Variants in EYA2 observed in about 807,000 individuals in gnomAD.
EYA2 encodes the protein protein phosphatase EYA2.
Under a neutral mutation model 69.2 loss-of-function variants are expected in EYA2, and 31 were observed. That is an observed-to-expected ratio of 0.45 (90% CI 0.34 to 0.60). EYA2 has a LOEUF of 0.60. EYA2 is among the 20% of genes least tolerant of loss of function. The probability of loss-of-function intolerance (pLI) is 0.02; values close to 1 mark genes in which losing one functional copy is unlikely to be tolerated. For synonymous variants in EYA2, 257 were observed against 279.4 expected, an observed-to-expected ratio of 0.92 and a Z score of 0.80; for missense variants, 622 against 701.2, an observed-to-expected ratio of 0.89 and a Z score of 1.28.
intron 10 of EYA2, among the ~76,000 whole-genome samples, chr20:47,145,590 A>G (rs1010077071): frequency 1.3e-5 from 2 of 152,128 alleles, no homozygotes; most frequent in Non-Finnish European, 2.9e-5. Flanking sequence ...TGCTGTGTGG[A>G]GAATGGGCAG....
At chr20:46,931,539 G>A (rs1041328648) in intron 1 of EYA2, among the ~76,000 whole-genome samples, 4 of 152,186 alleles carry the variant, frequency 2.6e-5, no homozygotes, top group African/African-American at 9.7e-5. Context: ...TCATAGGGTT[G>A]TTTGGGGATG....
chr20:47,010,348 G>A (rs915111042), intron 4 of EYA2, among the ~76,000 whole-genome samples: 2 of 57,662 alleles, frequency 3.5e-5, no homozygotes, highest in African/African-American at 1.6e-4. Context: ...AGGTGGGCTG[G>A]GGCTGCCTAG....
At chr20:47,103,092 TAACAATTTTATTGAGATACA>T (rs1243998065) in intron 9 of EYA2, among the ~76,000 whole-genome samples, 80 of 152,334 alleles carry the variant, frequency 5.3e-4, no homozygotes, top group African/African-American at 1.9e-3. Flanking sequence ...TTGTTGTTAA[TAACAATTTTATTGAGATACA>T]ATCTACATAT....
At chr20:47,057,902 C>T (rs1202970840) in intron 5 of EYA2, among the ~76,000 whole-genome samples, 1 of 152,204 alleles carries the variant, frequency 6.6e-6, no homozygotes, top group Non-Finnish European at 1.5e-5. Context: ...TTGAACCCTG[C>T]TCCACCCCTT....
chr20:47,042,296 C>T (rs527540169), intron 5 of EYA2, among the ~76,000 whole-genome samples: 19 of 152,210 alleles, frequency 1.2e-4, no homozygotes, highest in African/African-American at 4.6e-4. Flanking sequence ...GGACCCAAGC[C>T]GTCTAACTCC....
intron 5 of EYA2, among the ~76,000 whole-genome samples, chr20:47,050,151 A>G (rs756120264): frequency 1.8e-4 from 28 of 152,276 alleles, no homozygotes; most frequent in African/African-American, 4.3e-4. Flanking sequence ...GTCTGTCCCA[A>G]TGGGGCAAGG....
chr20:47,016,648 A>T (rs1246778002), intron 5 of EYA2, among the ~76,000 whole-genome samples: 7 of 152,224 alleles, frequency 4.6e-5, no homozygotes, highest in Non-Finnish European at 1.0e-4. Context: ...TGAAGAGATG[A>T]CATTGGGCAG....
chr20:47,181,547 C>T (rs1456661419), intron 14 of EYA2, among the ~76,000 whole-genome samples: 1 of 152,140 alleles, frequency 6.6e-6, no homozygotes, highest in Non-Finnish European at 1.5e-5. Context: ...TTCATACTGT[C>T]ACTCAATCTG....
chr20:47,074,947 ACT>A (rs2146478884), intron 7 of EYA2, among the ~76,000 whole-genome samples: 1 of 152,296 alleles, frequency 6.6e-6, no homozygotes, highest in East Asian at 1.9e-4. Context: ...CCCCATCTCT[ACT>A]AAAAATACAG....
At chr20:47,032,294 A>T (rs1181704740) in intron 5 of EYA2, among the ~76,000 whole-genome samples, 4 of 152,102 alleles carry the variant, frequency 2.6e-5, no homozygotes, top group Admixed American at 6.5e-5. Context: ...GGAATTCCTG[A>T]TTTTTGTATT....
intron 2 of EYA2, among the ~76,000 whole-genome samples, chr20:47,000,582 T>C (rs1256090534): frequency 6.6e-6 from 1 of 152,224 alleles, no homozygotes; most frequent in Non-Finnish European, 1.5e-5. Context: ...TGAGTTGCAT[T>C]GTTCAAGATG....
chr20:47,126,182 C>T (rs138945685), intron 9 of EYA2, among the ~76,000 whole-genome samples: 3 of 152,332 alleles, frequency 2.0e-5, no homozygotes, highest in African/African-American at 4.8e-5. Flanking sequence ...GATTGCAAAG[C>T]GCGAGGCCAA....
chr20:46,917,112 C>A (rs1298753343), intron 1 of EYA2, among the ~76,000 whole-genome samples: 1 of 152,166 alleles, frequency 6.6e-6, no homozygotes, highest in Non-Finnish European at 1.5e-5. Flanking sequence ...CAGCCTCCCC[C>A]CGAGTCAAAA....
chr20:47,167,373 C>T (rs1222491723), intron 10 of EYA2, among the ~76,000 whole-genome samples: 1 of 148,944 alleles, frequency 6.7e-6, no homozygotes, highest in East Asian at 2.0e-4. Context: ...CCTCCTGCCT[C>T]CCAGGTTCAA....
chr20:47,021,552 G>A (rs1435463886), intron 5 of EYA2, among the ~76,000 whole-genome samples: 2 of 151,186 alleles, frequency 1.3e-5, no homozygotes, highest in African/African-American at 2.4e-5. Flanking sequence ...GCTTGAACCC[G>A]GGTAGTGGAG....
intron 4 of EYA2, among the ~76,000 whole-genome samples, chr20:47,007,168 G>A (rs1437998146): frequency 6.6e-6 from 1 of 152,220 alleles, no homozygotes; most frequent in Non-Finnish European, 1.5e-5. Context: ...CTGGCCTCAA[G>A]TGATCTACTG....
At chr20:46,984,381 GAAAAA>G (rs3092382) in intron 1 of EYA2, among the ~76,000 whole-genome samples, 1 of 148,220 alleles carries the variant, frequency 6.7e-6, no homozygotes, top group African/African-American at 2.5e-5. Context: ...AAATCAGTAA[GAAAAA>G]AAAAAAATAG....
At chr20:47,094,506 A>G (rs1324614195) in intron 8 of EYA2, among the ~76,000 whole-genome samples, 1 of 152,250 alleles carries the variant, frequency 6.6e-6, no homozygotes, top group Non-Finnish European at 1.5e-5. Flanking sequence ...CTGGGATGCT[A>G]ATACCTTTTT....
chr20:47,083,970 G>C (rs937722328), intron 7 of EYA2, among the ~76,000 whole-genome samples: 1 of 152,226 alleles, frequency 6.6e-6, no homozygotes. Context: ...GCAGGGCCAG[G>C]TGCAGTGGCT....
Sources: allele counts gnomAD v4.1 joint callset (sites outside exome capture counted in the v4.1 genomes callset), GRCh38; gene constraint gnomAD v4.1.1; transcripts MANE v1.5; gene names NCBI Gene and HGNC (gene_info 2026-07-23, HGNC 2026-07-21).